TRDN: variants seen among roughly 807,000 people sequenced by gnomAD.
TRDN encodes triadin.
Under a neutral mutation model 149.7 loss-of-function variants are expected in TRDN, and 161 were observed. The observed-to-expected ratio is 1.08, with a 90% confidence interval of 0.95 to 1.23. TRDN has a LOEUF of 1.23. Ranked by LOEUF, TRDN falls within the 50% of genes most tolerant of loss-of-function variation. TRDN has a pLI of 0.00. For synonymous variants in TRDN, 294 were observed against 250.5 expected (o/e 1.17, Z -1.64); for missense variants, 896 against 823.5 (o/e 1.09, Z -1.08).
chr6:123,296,054 G>A (rs1778182088), intron 24 of TRDN, among the ~76,000 whole-genome samples: 1 of 151,974 alleles, frequency 6.6e-6, no homozygotes, highest in African/African-American at 2.4e-5. Flanking sequence ...TGCTTAATGG[G>A]GAAATGCAGT....
chr6:123,438,071 TC>T lies in TRDN; in HGVS notation c.1042del (p.Glu348LysfsTer16). The T allele has an allele frequency of 6.3e-7, 1 of 1,596,840 alleles. No individual in the cohort carries two copies. Among genetic ancestry groups the T allele is most frequent in the Non-Finnish European group, 8.5e-7 (1 of 1,173,462 alleles). On this transcript the variant is annotated frameshift_variant, in exon 12 of 41. Transcript: ENST00000334268. LOFTEE classifies it high-confidence loss of function. ...KSEKETAIDV[E>X]KKEPGKASET... The stretch of plus-strand genomic sequence containing the variant: ...CAAAGAAAGTGCAATACCTTTTTTT[TC>T]CACATCAATGGCAGTTTCCTTCTCA...
intron 10 of TRDN, among the ~76,000 whole-genome samples, chr6:123,449,532 A>T (rs1775634531): frequency 6.6e-6 from 1 of 152,174 alleles, no homozygotes; most frequent in Non-Finnish European, 1.5e-5. Flanking sequence ...ACAGTGAATA[A>T]GAAAATATGA....
intron 4 of TRDN, among the ~76,000 whole-genome samples, chr6:123,546,598 A>T (rs192394100): frequency 6.6e-6 from 1 of 152,094 alleles, no homozygotes; most frequent in Non-Finnish European, 1.5e-5. Flanking sequence ...CTCACAACAA[A>T]TGTACCTCAA....
At chr6:123,350,724 GA>G (rs1184043536) in intron 21 of TRDN, 3 of 874,052 alleles carry the variant, frequency 3.4e-6, no homozygotes, top group African/African-American at 3.7e-5. Flanking sequence ...TGTTATGATT[GA>G]AAAATATGAG....
At chr6:123,324,109 C>T (rs1427033289) in intron 23 of TRDN, among the ~76,000 whole-genome samples, 1 of 152,168 alleles carries the variant, frequency 6.6e-6, no homozygotes, top group East Asian at 1.9e-4. Flanking sequence ...GGTAAACAAG[C>T]AGGCATTCCT....
intron 24 of TRDN, among the ~76,000 whole-genome samples, chr6:123,314,414 C>G (rs542108048): frequency 6.6e-6 from 1 of 152,020 alleles, no homozygotes; most frequent in East Asian, 1.9e-4. Flanking sequence ...TAAATTAGTT[C>G]GACCATTGTG....
chr6:123,401,578 A>T (rs746492172), intron 12 of TRDN, among the ~76,000 whole-genome samples: 16 of 152,220 alleles, frequency 1.1e-4, no homozygotes, highest in Non-Finnish European at 1.8e-4. Flanking sequence ...GCTGTGTGAA[A>T]AAATGCTAAA....
intron 1 of TRDN, among the ~76,000 whole-genome samples, chr6:123,633,401 G>T (rs996973255): frequency 2.0e-5 from 3 of 151,968 alleles, no homozygotes; most frequent in Non-Finnish European, 4.4e-5. Flanking sequence ...CTGTGGTCAG[G>T]CATGGGTATG....
intron 10 of TRDN, among the ~76,000 whole-genome samples, chr6:123,445,849 C>T (rs1775308664): frequency 7.8e-6 from 1 of 128,148 alleles, no homozygotes; most frequent in South Asian, 2.5e-4. Flanking sequence ...GGATCTAGAA[C>T]TAGAAATACC....
chr6:123,536,723 A>AAAT (rs1451501676), intron 4 of TRDN, among the ~76,000 whole-genome samples: 1 of 150,684 alleles, frequency 6.6e-6, no homozygotes, highest in African/African-American at 2.4e-5. Flanking sequence ...ATAAATAAAT[A>AAAT]AATAAATAAA....
chr6:123,391,377 TG>T (rs1248534062), intron 13 of TRDN, among the ~76,000 whole-genome samples: 2 of 152,096 alleles, frequency 1.3e-5, no homozygotes, highest in East Asian at 1.9e-4. Context: ...TTCTTTCCTT[TG>T]TTTCTTTTGA....
chr6:123,602,330 G>T (rs1347695627), intron 1 of TRDN, among the ~76,000 whole-genome samples: 1 of 151,976 alleles, frequency 6.6e-6, no homozygotes, highest in Non-Finnish European at 1.5e-5. Context: ...CACAAGAATG[G>T]AAAACCAAAT....
chr6:123,593,448 A>G lies in TRDN; in HGVS notation c.23-22316T>C, dbSNP rs559079708. Among the ~76,000 whole-genome samples, 78 of 152,366 alleles carry G rather than the reference A, an allele frequency of 5.1e-4. 1 individual carries two copies. The South Asian group carries it at 7.0e-3, about 14-fold the overall frequency. ...AGTTTGCTAGGGCTGACATAACAACATACCACAAACTGGGTGACTTACACA... is the reference window on the plus strand; with the variant it reads ...AGTTTGCTAGGGCTGACATAACAACGTACCACAAACTGGGTGACTTACACA... On this transcript the variant is annotated intron_variant, in intron 1 of 40. Coordinates refer to ENST00000334268, the MANE Select transcript of TRDN (RefSeq NM_006073.4).
chr6:123,254,901 T>A (rs182540814), intron 37 of TRDN, 180 bp downstream of exon 37: 1 of 533,462 alleles, frequency 1.9e-6, no homozygotes, highest in Non-Finnish European at 3.5e-6. Flanking sequence ...CATGTTTTCT[T>A]ATTTTCTATT....
At chr6:123,510,224 T>C (rs979357104) in intron 7 of TRDN, 6 of 152,268 alleles carry the variant, frequency 3.9e-5, no homozygotes, top group East Asian at 1.9e-4. Context: ...ATATTAACTT[T>C]AATAAAATGA....
At chr6:123,415,357 C>T (rs780692422) in intron 12 of TRDN, among the ~76,000 whole-genome samples, 5 of 152,114 alleles carry the variant, frequency 3.3e-5, no homozygotes, top group Non-Finnish European at 7.4e-5. Flanking sequence ...GGCTAGACAG[C>T]TTACCTAGAT....
chr6:123,620,469 C>T (rs922462426), intron 1 of TRDN, among the ~76,000 whole-genome samples: 5 of 152,162 alleles, frequency 3.3e-5, no homozygotes, highest in Admixed American at 6.6e-5. Flanking sequence ...TGCATTCATA[C>T]ATTTTGACCC....
At chr6:123,315,689 C>G (rs1778997087) in intron 24 of TRDN, among the ~76,000 whole-genome samples, 1 of 151,728 alleles carries the variant, frequency 6.6e-6, no homozygotes, top group Non-Finnish European at 1.5e-5. Context: ...ATATAAATCT[C>G]CTTATAAAGA....
intron 5 of TRDN, among the ~76,000 whole-genome samples, chr6:123,516,718 C>T (rs1383843299): frequency 6.6e-6 from 1 of 151,926 alleles, no homozygotes; most frequent in Non-Finnish European, 1.5e-5. Context: ...ATCTTTCCAA[C>T]AAAAATAAAA....
Sources: gnomAD v4.1 joint callset for allele counts (sites outside exome capture counted in the v4.1 genomes callset) on GRCh38, gnomAD v4.1.1 for gene constraint, MANE v1.5 for transcripts, NCBI Gene and HGNC (gene_info 2026-07-23, HGNC 2026-07-21) for gene names.